Variants in TCF7L1 observed in about 807,000 individuals in gnomAD.
TCF7L1 encodes the protein transcription factor 7 like 1.
TCF7L1 carries 18 observed loss-of-function variants against 63.7 expected under a neutral mutation model. That is an observed-to-expected ratio of 0.28 (90% CI 0.20 to 0.42). The LOEUF (loss-of-function observed/expected upper bound fraction) is 0.42. TCF7L1 is among the 10% of genes least tolerant of loss of function. The pLI is 1.00. For synonymous variants in TCF7L1, 355 were observed against 340.9 expected (o/e 1.04, Z -0.46); for missense variants, 654 against 779.3 (o/e 0.84, Z 1.91).
intron 3 of TCF7L1, among the ~76,000 whole-genome samples, chr2:85,244,064 A>G (rs1010625482): frequency 1.5e-4 from 23 of 152,236 alleles, no homozygotes; most frequent in African/African-American, 5.5e-4. Context: ...CTATAGACAC[A>G]TACACGGGGG....
chr2:85,203,661 C>T (rs547367281), intron 3 of TCF7L1, among the ~76,000 whole-genome samples: 4 of 150,600 alleles, frequency 2.7e-5, no homozygotes, highest in South Asian at 2.1e-4. Flanking sequence ...CCCAGGAGGT[C>T]GAGGCTGCAG....
intron 3 of TCF7L1, among the ~76,000 whole-genome samples, chr2:85,200,315 G>A (rs1220646042): frequency 7.2e-5 from 11 of 152,108 alleles, no homozygotes; most frequent in Admixed American, 7.2e-4. Flanking sequence ...TCATGCAGTC[G>A]AAAATCCATG....
chr2:85,176,935 C>T (rs965733763), intron 3 of TCF7L1, among the ~76,000 whole-genome samples: 7 of 144,574 alleles, frequency 4.8e-5, no homozygotes, highest in African/African-American at 1.6e-4. Flanking sequence ...TTCAGTGAGC[C>T]GAGATCGCAC....
At chr2:85,305,759 G>A (rs1247855405) in intron 8 of TCF7L1, among the ~76,000 whole-genome samples, 1 of 152,174 alleles carries the variant, frequency 6.6e-6, no homozygotes, top group African/African-American at 2.4e-5. Flanking sequence ...TGGGCTGGTG[G>A]CCGAGCTGAG....
intron 3 of TCF7L1, among the ~76,000 whole-genome samples, chr2:85,202,198 A>G (rs1280543998): frequency 6.6e-6 from 1 of 152,074 alleles, no homozygotes; most frequent in Non-Finnish European, 1.5e-5. Context: ...CCTGACCTCA[A>G]GTGATCTGCC....
intron 3 of TCF7L1, among the ~76,000 whole-genome samples, chr2:85,137,630 G>C (rs76710632): frequency 0.23 from 34,800 of 152,080 alleles, 4,309 homozygotes; most frequent in Non-Finnish European, 0.26. Context: ...CGGTGGCTTA[G>C]GCCTGTAATC....
chr2:85,256,524 A>C (rs1295107378), intron 3 of TCF7L1, among the ~76,000 whole-genome samples: 1 of 152,230 alleles, frequency 6.6e-6, no homozygotes, highest in African/African-American at 2.4e-5. Context: ...CGGACACACA[A>C]TCAATTACAT....
At chr2:85,256,088 T>C (rs1680710309) in intron 3 of TCF7L1, among the ~76,000 whole-genome samples, 1 of 152,034 alleles carries the variant, frequency 6.6e-6, no homozygotes, top group South Asian at 2.1e-4. Context: ...ATCCTATTCA[T>C]GGCTCAGGAG....
At chr2:85,161,595 TGG>T (rs1268695842) in intron 3 of TCF7L1, among the ~76,000 whole-genome samples, 3 of 152,302 alleles carry the variant, frequency 2.0e-5, no homozygotes, top group East Asian at 3.9e-4. Flanking sequence ...CCTGCGGTGT[TGG>T]TCTTTGGTCT....
intron 3 of TCF7L1, among the ~76,000 whole-genome samples, chr2:85,230,060 A>G (rs2104311148): frequency 6.6e-6 from 1 of 152,348 alleles, no homozygotes; most frequent in South Asian, 2.1e-4. Context: ...TTCTTCTGGC[A>G]TGTAAGTTTT....
rs1558614292 is a variant in TCF7L1, at chr2:85,142,471, GTATATATATAATATA to G, written c.441+8032_441+8046del. On this transcript the variant is annotated intron_variant, in intron 3 of 11. Coordinates refer to ENST00000282111, the MANE Select transcript of TCF7L1 (RefSeq NM_031283.3). ...GTGTGTGTGTGTGTGTGTGTTGTGT[GTATATATATAATATA>G]TATATATATATACACACACACACAA... Among the ~76,000 whole-genome samples the G allele has an allele frequency of 3.5e-5, 5 of 141,814 alleles. No individual in the cohort carries two copies. In the East Asian group the frequency reaches 8.1e-4, roughly 23 times the overall value. 93.0% of individuals were successfully genotyped at this position (141,814 alleles called of 152,430 possible).
Position 85,309,049 on chromosome 2 carries a change from A to C in TCF7L1, c.1354A>C (p.Lys452Gln). Residue 452 changes from lysine (K) to glutamine (Q), a missense_variant, in exon 12 of 12, where the codon AAG becomes CAG. Transcript: ENST00000282111. Reference protein sequence around the residue: ...EAEGALASKSKKPCVQYLPPE... With the variant: ...EAEGALASKSQKPCVQYLPPE... ...CCTAGGTGCCCTGGCCTCCAAGAGC[A>C]AGAAGCCATGTGTTCAGTACCTGCC... 6.3e-7 allele frequency: 1 copy of C among 1,596,046 alleles called. No homozygotes were observed. The highest frequency in any genetic ancestry group is 8.6e-7 in the Non-Finnish European group (1 of 1,169,500).
intron 10 of TCF7L1, 85 bp from the exon 11 acceptor site, chr2:85,307,557 C>T: frequency 8.5e-7 from 1 of 1,175,550 alleles, no homozygotes; most frequent in Non-Finnish European, 1.3e-6. Flanking sequence ...AGGGCAACGT[C>T]CTGTCTTCTC....
At chr2:85,282,843 T>TGTGTGTGTG (rs61230836) in intron 3 of TCF7L1, among the ~76,000 whole-genome samples, 159 of 126,234 alleles carry the variant, frequency 1.3e-3, no homozygotes, top group East Asian at 2.0e-3. Flanking sequence ...TGTGTGTGTG[T>TGTGTGTGTG]TGGGGAAGTA....
chr2:85,244,841 C>G (rs1420750943), intron 3 of TCF7L1, among the ~76,000 whole-genome samples: 2 of 152,098 alleles, frequency 1.3e-5, no homozygotes, highest in African/African-American at 4.8e-5. Flanking sequence ...GTGGGCACTA[C>G]AGCTTTTGCA....
At chr2:85,299,807 C>T (rs535352980) in intron 4 of TCF7L1, among the ~76,000 whole-genome samples, 11 of 145,408 alleles carry the variant, frequency 7.6e-5, no homozygotes, top group African/African-American at 1.0e-4. Flanking sequence ...TGCAGTGAAC[C>T]GAGATTGCAC....
At chr2:85,272,374 A>C (rs1663651486) in intron 3 of TCF7L1, among the ~76,000 whole-genome samples, 1 of 152,220 alleles carries the variant, frequency 6.6e-6, no homozygotes, top group African/African-American at 2.4e-5. Context: ...AAATATGAAA[A>C]AGGAACTAAT....
chr2:85,186,955 G>A (rs1427949800), intron 3 of TCF7L1, among the ~76,000 whole-genome samples: 1 of 152,134 alleles, frequency 6.6e-6, no homozygotes, highest in East Asian at 1.9e-4. Flanking sequence ...CATGTGAGTT[G>A]GTGGATACCA....
At chr2:85,207,494 T>G (rs1337219825) in intron 3 of TCF7L1, among the ~76,000 whole-genome samples, 2 of 152,062 alleles carry the variant, frequency 1.3e-5, no homozygotes, top group Non-Finnish European at 2.9e-5. Context: ...CGGCTAGCTA[T>G]CCCTCCAAGA....
Sources: gnomAD v4.1 joint callset for allele counts (sites outside exome capture counted in the v4.1 genomes callset) on GRCh38, gnomAD v4.1.1 for gene constraint, MANE v1.5 for transcripts, NCBI Gene and HGNC (gene_info 2026-07-23, HGNC 2026-07-21) for gene names.